Variants in CCDC141 observed in about 807,000 individuals in gnomAD.
CCDC141 encodes coiled-coil domain-containing protein 141.
In CCDC141, 168 loss-of-function variants were observed where a neutral mutation model predicts 181.0. That is an observed-to-expected ratio of 0.93 (90% CI 0.82 to 1.05). The LOEUF is 1.05. Among genes scored for constraint, CCDC141 ranks in the 50% least tolerant of loss-of-function variants. The pLI, the probability that CCDC141 is intolerant of heterozygous loss-of-function variation, is 0.00. For missense variants in CCDC141, 1,902 were observed against 1,788.5 expected (o/e 1.06, Z -1.14); for synonymous variants, 666 against 642.3 (o/e 1.04, Z -0.56).
chr2:178,846,543 C>G (rs979660762), intron 21 of CCDC141, among the ~76,000 whole-genome samples: 2 of 152,150 alleles, frequency 1.3e-5, no homozygotes, highest in African/African-American at 4.8e-5. Context: ...CAGGGAGACC[C>G]ACTACTGGGG....
At chr2:179,001,038 A>T (rs570909936) in intron 2 of CCDC141, among the ~76,000 whole-genome samples, 1 of 152,258 alleles carries the variant, frequency 6.6e-6, no homozygotes, top group South Asian at 2.1e-4. Context: ...GTCCATTTCA[A>T]GCACTGCAGA....
At chr2:178,986,355 A>G (rs1206601563) in intron 2 of CCDC141, among the ~76,000 whole-genome samples, 4 of 152,194 alleles carry the variant, frequency 2.6e-5, no homozygotes, top group African/African-American at 4.8e-5. Flanking sequence ...CCCACAGCCA[A>G]TATCATACTG....
rs201327469 is a variant in CCDC141, at chr2:178,886,818, A to G, written c.1461T>C (p.Val487=). Residue 487 remains valine, a synonymous_variant, in exon 10 of 24, where the codon GTT becomes GTC. Coordinates refer to ENST00000443758, the MANE Select transcript of CCDC141 (RefSeq NM_173648.4). ...TCTCTGATTCAGAACGGGTAGAACCAACATCCATTGCATTAGAAAGTACTG... is the reference window on the plus strand; with the variant it reads ...TCTCTGATTCAGAACGGGTAGAACCGACATCCATTGCATTAGAAAGTACTG... ...ISPVLSNAMD[V]GSTRSESEKI... 2.0e-3 allele frequency: 2,987 copies of G among 1,476,028 alleles called. 34 individuals carry two copies. The highest frequency in any genetic ancestry group is 0.016 in the South Asian group (1,177 of 72,492). 91.4% of individuals were successfully genotyped at this position (1,476,028 alleles called of 1,614,324 possible).
At position 178,853,483 on chromosome 2, in the gene CCDC141, C is replaced by T. The variant is rs762546102; in HGVS notation, c.3202G>A (p.Glu1068Lys). The change falls in exon 20 of 24, where the codon GAA (glutamate) becomes AAA (lysine). Residue 1068 changes from glutamate to lysine, a missense_variant. Physicochemically the swap from Glu to Lys is moderately conservative, Grantham distance 56 (BLOSUM62 1). Transcript: ENST00000443758. ...FIAPSVPQQE[E>K]RIQEATDLAQ... ...AGGTCAGTGGCCTCCTGAATCCTTT[C>T]TTCTTGCTGCGGCACTGAGGGTGCA... The T allele has an allele frequency of 6.2e-7, 1 of 1,614,144 alleles. No individual in the cohort carries two copies. Among genetic ancestry groups the T allele is most frequent in the South Asian group, 1.1e-5 (1 of 91,066 alleles).
intron 9 of CCDC141, 81 bp from the exon 10 acceptor site, chr2:178,886,952 T>G (rs1317193025): frequency 1.3e-5 from 10 of 799,442 alleles, no homozygotes; most frequent in Middle Eastern, 2.9e-4. Flanking sequence ...AAGATAAATA[T>G]TATTTTATAG....
At chr2:178,914,547 T>C (rs762735606) in intron 7 of CCDC141, among the ~76,000 whole-genome samples, 4 of 152,138 alleles carry the variant, frequency 2.6e-5, no homozygotes, top group Non-Finnish European at 5.9e-5. Flanking sequence ...TGGGTAATCA[T>C]CAAACCCTAG....
rs146450376 is a variant in CCDC141, at chr2:178,830,669, G to A, written c.*3504C>T. On this transcript the variant is annotated 3_prime_UTR_variant, in exon 24 of 24. Transcript: ENST00000443758. ...AGAGGAGACTGATGCTCAAACCTGC[G>A]ATTCCTTTGTGTATATTCAGGGGCG... 1.3e-5 allele frequency: 2 copies of A among 152,362 alleles called. No individual in the cohort carries two copies. Among genetic ancestry groups the A allele is most frequent in the African/African-American group, 4.8e-5 (2 of 41,558 alleles). The allele number at this position is 152,362 out of a possible 1,614,324, so 9.4% of individuals were successfully genotyped here. A position where few individuals can be genotyped will look rare whatever the true frequency, so the allele number is the denominator to read the frequency against.
In CCDC141 at chr2:179,023,858, C is replaced by A. The variant is rs1425519609; in HGVS notation, c.225+23426G>T. ...TCTCATAGAGGTCTGGAGAGCTGCC[C>A]TTTAACAGGTACCCAAGATTATATG... is the stretch of plus-strand genomic sequence containing the variant. On this transcript the variant is annotated intron_variant, in intron 2 of 23. Transcript: ENST00000443758. Among the ~76,000 whole-genome samples, 4 of 152,246 alleles carry A rather than the reference C, an allele frequency of 2.6e-5. No individual in the cohort carries two copies. The East Asian group carries it at 7.7e-4, about 29-fold the overall frequency.
chr2:178,897,424 T>C (rs1687465860), intron 8 of CCDC141, among the ~76,000 whole-genome samples: 1 of 152,106 alleles, frequency 6.6e-6, no homozygotes, highest in Admixed American at 6.6e-5. Flanking sequence ...ATGAAAACTG[T>C]GGGAAAAGAA....
chr2:179,006,856 C>G (rs1198421479), intron 2 of CCDC141, among the ~76,000 whole-genome samples: 2 of 152,042 alleles, frequency 1.3e-5, no homozygotes, highest in African/African-American at 4.8e-5. Context: ...ATTAAGCCAC[C>G]TATTGATTTT....
chr2:178,906,829 C>T (rs769521258), intron 7 of CCDC141, among the ~76,000 whole-genome samples: 3 of 152,090 alleles, frequency 2.0e-5, no homozygotes, highest in Admixed American at 6.5e-5. Flanking sequence ...GCAACACAGG[C>T]GAAGCCAAAT....
chr2:178,951,922 G>C (rs1486792800), intron 5 of CCDC141, among the ~76,000 whole-genome samples: 5 of 152,158 alleles, frequency 3.3e-5, no homozygotes, highest in Non-Finnish European at 5.9e-5. Flanking sequence ...AACCGACTTG[G>C]GGGCTTAATT....
intron 5 of CCDC141, among the ~76,000 whole-genome samples, chr2:178,950,916 G>A (rs113091518): frequency 5.0e-4 from 76 of 152,026 alleles, no homozygotes; most frequent in African/African-American, 1.8e-3. Flanking sequence ...CTCTTCTCAC[G>A]TCTATATTTC....
At chr2:178,874,459 A>T (rs932268639) in intron 12 of CCDC141, 3 of 152,216 alleles carry the variant, frequency 2.0e-5, no homozygotes, top group Non-Finnish European at 4.4e-5. Context: ...ATAGATACAA[A>T]ATATAATTTG....
intron 16 of CCDC141, 60 bp from the exon 17 acceptor site, chr2:178,865,976 G>A: frequency 7.9e-7 from 1 of 1,260,546 alleles, no homozygotes; most frequent in Non-Finnish European, 1.0e-6. Flanking sequence ...AGACGAGTAG[G>A]CTATTTACCT....
chr2:178,874,260 C>T (rs1268991519), intron 12 of CCDC141: 7 of 152,064 alleles, frequency 4.6e-5, no homozygotes, highest in Admixed American at 2.6e-4. Context: ...TTCCTTAGTA[C>T]GTGGGCTTTA....
At chr2:179,034,696 G>A (rs1346029163) in intron 2 of CCDC141, among the ~76,000 whole-genome samples, 1 of 151,982 alleles carries the variant, frequency 6.6e-6, no homozygotes, top group Non-Finnish European at 1.5e-5. Flanking sequence ...GTCTTTCCTC[G>A]CATTCTTACC....
chr2:178,886,852 T>C lies in CCDC141; in HGVS notation c.1427A>G (p.Lys476Arg). The C allele has an allele frequency of 7.0e-7, 1 of 1,429,560 alleles. No individual in the cohort carries two copies. Among genetic ancestry groups the C allele is most frequent in the Non-Finnish European group, 9.1e-7 (1 of 1,093,302 alleles). 88.6% of individuals were successfully genotyped at this position (1,429,560 alleles called of 1,614,324 possible). ...YLRKVEMSIQ[K>R]ISPVLSNAMD... ...TGCATTAGAAAGTACTGGACTGATT[T>C]TCTGAATTGACATTTCCACCTTTAG... is the stretch of plus-strand genomic sequence containing the variant. The change falls in exon 10 of 24, where the codon AAA becomes AGA. Residue 476 changes from lysine to arginine, a missense_variant. Coordinates refer to ENST00000443758, the MANE Select transcript of CCDC141 (RefSeq NM_173648.4).
At chr2:178,952,940 G>T (rs921918846) in intron 5 of CCDC141, among the ~76,000 whole-genome samples, 4 of 152,142 alleles carry the variant, frequency 2.6e-5, no homozygotes, top group African/African-American at 4.8e-5. Flanking sequence ...ATAAATAGAT[G>T]CATTTTTAAT....
Sources: gnomAD v4.1 joint callset for allele counts (sites outside exome capture counted in the v4.1 genomes callset) on GRCh38, gnomAD v4.1.1 for gene constraint, MANE v1.5 for transcripts, NCBI Gene and HGNC (gene_info 2026-07-23, HGNC 2026-07-21) for gene names.